NLGN1: variants seen among roughly 807,000 people sequenced by gnomAD.
NLGN1 encodes the protein neuroligin-1.
Under a neutral mutation model 65.5 loss-of-function variants are expected in NLGN1, and 12 were observed. The ratio of observed to expected loss-of-function variants is 0.18; its 90% CI spans 0.12 to 0.30. The LOEUF is 0.30. Among genes scored for constraint, NLGN1 ranks in the 10% least tolerant of loss-of-function variants. The pLI, the probability that NLGN1 is intolerant of heterozygous loss-of-function variation, is 1.00. For synonymous variants in NLGN1, 350 were observed against 359.5 expected, an observed-to-expected ratio of 0.97 and a Z score of 0.30; for missense variants, 750 against 1,007.1, an observed-to-expected ratio of 0.74 and a Z score of 3.46.
chr3:173,539,743 T>TGCATATGC (rs1371405085), intron 2 of NLGN1, among the ~76,000 whole-genome samples: 4 of 142,558 alleles, frequency 2.8e-5, no homozygotes, highest in African/African-American at 7.8e-5. Context: ...TACATATATG[T>TGCATATGC]ACATATATAA....
chr3:173,774,493 T>G (rs1780019241), intron 3 of NLGN1, among the ~76,000 whole-genome samples: 1 of 152,162 alleles, frequency 6.6e-6, no homozygotes, highest in Admixed American at 6.5e-5. Flanking sequence ...GGCCAAGAAG[T>G]GAATTGGAGA....
chr3:173,979,798 A>G (rs1687951316), intron 4 of NLGN1, among the ~76,000 whole-genome samples: 1 of 152,140 alleles, frequency 6.6e-6, no homozygotes, highest in Non-Finnish European at 1.5e-5. Context: ...CTGCTTGTGC[A>G]TGTATCCAGA....
intron 2 of NLGN1, among the ~76,000 whole-genome samples, chr3:173,568,298 T>C (rs556396794): frequency 6.7e-6 from 1 of 150,328 alleles, no homozygotes; most frequent in African/African-American, 2.4e-5. Context: ...GGCTGGCAAT[T>C]TCTTGGCTTA....
At chr3:174,040,342 G>A (rs1732005258) in intron 4 of NLGN1, among the ~76,000 whole-genome samples, 1 of 152,104 alleles carries the variant, frequency 6.6e-6, no homozygotes, top group Non-Finnish European at 1.5e-5. Context: ...TGACTGCTTG[G>A]CAACTATGTA....
intron 2 of NLGN1, among the ~76,000 whole-genome samples, chr3:173,574,091 A>G (rs1000117862): frequency 2.0e-5 from 3 of 150,972 alleles, no homozygotes; most frequent in African/African-American, 7.3e-5. Context: ...AAAGAAAAAG[A>G]AAAAAGAAAA....
intron 4 of NLGN1, among the ~76,000 whole-genome samples, chr3:174,142,123 G>A (rs1053076971): frequency 6.6e-6 from 1 of 151,936 alleles, no homozygotes; most frequent in Non-Finnish European, 1.5e-5. Flanking sequence ...ACATATACCT[G>A]TACCTAAATA....
intron 4 of NLGN1, among the ~76,000 whole-genome samples, chr3:173,819,535 C>A (rs539402515): frequency 4.4e-4 from 67 of 152,308 alleles, no homozygotes; most frequent in African/African-American, 1.5e-3. Context: ...ACGATCCTTT[C>A]CAACAGCTGA....
intron 4 of NLGN1, among the ~76,000 whole-genome samples, chr3:174,151,579 A>C (rs1273771274): frequency 1.5e-5 from 1 of 64,928 alleles, no homozygotes; most frequent in Non-Finnish European, 2.6e-5. Flanking sequence ...AGACAGATTA[A>C]GTTTCTATGA....
chr3:174,186,775 GTTC>G (rs1221763564), intron 4 of NLGN1, among the ~76,000 whole-genome samples: 1 of 151,978 alleles, frequency 6.6e-6, no homozygotes, highest in Non-Finnish European at 1.5e-5. Flanking sequence ...GCAAAACTGT[GTTC>G]TAAGTGCTTT....
At chr3:173,710,795 G>A (rs1369381660) in intron 3 of NLGN1, among the ~76,000 whole-genome samples, 2 of 152,128 alleles carry the variant, frequency 1.3e-5, no homozygotes, top group East Asian at 3.9e-4. Context: ...GAGTCTCAAA[G>A]CATAAGAAGA....
chr3:174,289,736 A>G (rs1468901485), downstream of NLGN1, among the ~76,000 whole-genome samples: 2 of 150,774 alleles, frequency 1.3e-5, no homozygotes, highest in Non-Finnish European at 3.0e-5. Flanking sequence ...AAAATATTTT[A>G]AAGTGAAAAG....
intron 3 of NLGN1, among the ~76,000 whole-genome samples, chr3:173,788,206 C>CAAAAAA (rs537790655): frequency 3.5e-3 from 212 of 59,908 alleles, no homozygotes; most frequent in East Asian, 6.0e-3. Context: ...TGACATTTTG[C>CAAAAAA]AAAAAAAAAA....
At chr3:173,445,402 C>CT (rs1325412224) in intron 2 of NLGN1, among the ~76,000 whole-genome samples, 2 of 151,556 alleles carry the variant, frequency 1.3e-5, no homozygotes, top group Non-Finnish European at 1.5e-5. Flanking sequence ...TTAATTAAAG[C>CT]TTAAGTTAAT....
intron 4 of NLGN1, among the ~76,000 whole-genome samples, chr3:174,122,481 A>T (rs1054278560): frequency 6.6e-6 from 1 of 152,156 alleles, no homozygotes; most frequent in Non-Finnish European, 1.5e-5. Context: ...ATCCACCAGG[A>T]TCCCTTAGTC....
chr3:173,985,018 G>A lies in NLGN1; in HGVS notation c.646+177186G>A, dbSNP rs1407051039. On this transcript the variant is annotated intron_variant, in intron 4 of 6. Transcript: ENST00000457714. ...GATAGTGCCACTGCACTCCAGCCTG[G>A]GCAATAGAGGGAGACTGTCTCAAAA... is the stretch of plus-strand genomic sequence containing the variant. Among the ~76,000 whole-genome samples, 5 of 152,270 alleles carry A rather than the reference G, an allele frequency of 3.3e-5. No individual in the cohort carries two copies. In the South Asian group the frequency reaches 6.2e-4, roughly 19 times the overall value.
At chr3:174,104,743 G>A (rs1004041758) in intron 4 of NLGN1, among the ~76,000 whole-genome samples, 1 of 152,100 alleles carries the variant, frequency 6.6e-6, no homozygotes, top group Non-Finnish European at 1.5e-5. Flanking sequence ...TTGTTAAGTG[G>A]GGAAGAAGTG....
At chr3:173,490,073 G>C (rs1196297461) in intron 2 of NLGN1, among the ~76,000 whole-genome samples, 1 of 152,162 alleles carries the variant, frequency 6.6e-6, no homozygotes, top group Non-Finnish European at 1.5e-5. Flanking sequence ...TTGCTGTGCA[G>C]AAGCTCTTTA....
At chr3:174,022,527 G>A (rs1296985054) in intron 4 of NLGN1, among the ~76,000 whole-genome samples, 3 of 152,162 alleles carry the variant, frequency 2.0e-5, no homozygotes, top group African/African-American at 7.2e-5. Context: ...CCTGGAGTCA[G>A]TTGTTGAAAC....
intron 4 of NLGN1, among the ~76,000 whole-genome samples, chr3:174,161,008 G>C (rs1289356524): frequency 1.3e-5 from 2 of 151,510 alleles, no homozygotes; most frequent in African/African-American, 4.8e-5. Flanking sequence ...TTGACTTTTA[G>C]ATCCCAATAA....
Sources: allele counts gnomAD v4.1 joint callset (sites outside exome capture counted in the v4.1 genomes callset), GRCh38; gene constraint gnomAD v4.1.1; transcripts MANE v1.5; gene names NCBI Gene and HGNC (gene_info 2026-07-23, HGNC 2026-07-21).